The following C12orf76 variants were observed in gnomAD, a reference collection of about 807,000 sequenced individuals.
C12orf76 encodes chromosome 12 open reading frame 76.
Under a neutral mutation model 6.8 loss-of-function variants are expected in C12orf76, and 6 were observed. The ratio of observed to expected loss-of-function variants is 0.88; its 90% CI spans 0.48 to 1.73. The LOEUF (loss-of-function observed/expected upper bound fraction) is 1.73. C12orf76 is among the 40% of genes most tolerant of loss of function. The pLI, the probability that C12orf76 is intolerant of heterozygous loss-of-function variation, is 0.01. For synonymous variants in C12orf76, 56 were observed against 43.7 expected, an observed-to-expected ratio of 1.28 and a Z score of -1.11; for missense variants, 99 against 98.2, an observed-to-expected ratio of 1.01 and a Z score of -0.03.
upstream of C12orf76, among the ~76,000 whole-genome samples, chr12:110,068,329 A>AAGAAGAAGAAGAAGAAGAAGAAGG (rs1157443112): frequency 7.9e-6 from 1 of 127,112 alleles, no homozygotes; most frequent in African/African-American, 2.8e-5. Context: ...GAAGAAGAAG[A>AAGAAGAAGAAGAAGAAGAAGAAGG]AGGCGGCCAA....
chr12:110,041,374 A>AAATT lies in C12orf76; in HGVS notation c.*996_*999dup, dbSNP rs1340231032. 6.6e-6 allele frequency: 1 copy of AAATT among 152,634 alleles called. No individual in the cohort carries two copies. The highest frequency in any genetic ancestry group is 1.5e-5 in the Non-Finnish European group (1 of 68,046). The allele number at this position is 152,634 out of a possible 1,614,324, so 9.5% of individuals were successfully genotyped here. A position where few individuals can be genotyped will look rare whatever the true frequency, so the allele number is the denominator to read the frequency against. On this transcript the variant is annotated 3_prime_UTR_variant, in exon 2 of 2. Coordinates refer to ENST00000615315, the MANE Select transcript of C12orf76 (RefSeq NM_001389625.1). ...AGATAAGCATTTCAATTTAATAACAAAATTAAATCTAGCACCTTGAAATAA... is the reference window on the plus strand; with the variant it reads ...AGATAAGCATTTCAATTTAATAACAAAATTAATTAAATCTAGCACCTTGAAATAA...
At chr12:110,050,541 C>T (rs562770364), upstream of C12orf76, 149 of 165,498 alleles carry the variant, frequency 9.0e-4, 3 homozygotes, top group South Asian at 0.012. Flanking sequence ...CTATAAACCA[C>T]CAAAACCAAA....
chr12:110,071,571 T>G (rs929561748), upstream of C12orf76, among the ~76,000 whole-genome samples: 4 of 151,984 alleles, frequency 2.6e-5, no homozygotes, highest in Non-Finnish European at 4.4e-5. Flanking sequence ...CTCAGAGAAG[T>G]TAATGACTTG....
At chr12:110,045,963 AT>A (rs1892437512) in intron 1 of C12orf76, 1 of 205,348 alleles carries the variant, frequency 4.9e-6, no homozygotes, top group African/African-American at 2.3e-5. Flanking sequence ...CATATAAAAA[AT>A]AATAATAAAA....
chr12:110,065,121 T>C (rs929518345), intron 2 of C12orf76, among the ~76,000 whole-genome samples: 2 of 151,794 alleles, frequency 1.3e-5, no homozygotes, highest in Non-Finnish European at 2.9e-5. Flanking sequence ...TTATTTTTAT[T>C]ATATATGTAT....
intron 1 of C12orf76, chr12:110,044,371 C>G (rs938058701): frequency 4.6e-5 from 7 of 151,664 alleles, no homozygotes; most frequent in Non-Finnish European, 7.4e-5. Flanking sequence ...ATGGTGAAAC[C>G]CCATCTCTAC....
Position 110,054,532 on chromosome 12 carries a change from G to T in C12orf76, n.664+2657C>A, listed in dbSNP as rs1378532567. 2.6e-5 allele frequency among the ~76,000 whole-genome samples: 4 copies of T among 152,180 alleles called. No individual in the cohort carries two copies. The highest frequency in any genetic ancestry group is 9.7e-5 in the African/African-American group (4 of 41,430). ...CATAGAGACAGAGAGTAGATTGGTA[G>T]TTGCAGGGGACAGAGGGAGGGAGAA... On this transcript the variant is annotated intron_variant and non_coding_transcript_variant, in intron 4 of 4. Coordinates refer to the C12orf76 transcript ENST00000309050. The surrounding 1 kb of genome is among the most constrained non-coding windows in gnomAD (Gnocchi z 4.4).
At chr12:110,045,484 G>C (rs906661280) in intron 1 of C12orf76, among the ~76,000 whole-genome samples, 13 of 152,100 alleles carry the variant, frequency 8.5e-5, no homozygotes, top group African/African-American at 2.7e-4. Context: ...TACTCGGGAG[G>C]CTGAGGCAGG....
At chr12:110,058,874 A>C in intron 3 of C12orf76, 1 of 1,249,642 alleles carries the variant, frequency 8.0e-7, no homozygotes, top group Non-Finnish European at 1.1e-6. Flanking sequence ...ACCATGTGCC[A>C]ACCACTCTTC....
chr12:110,042,313 G>T lies in C12orf76; in HGVS notation c.*61C>A, dbSNP rs11550081. ...AAGTTTTGGTTCCAACTTCTCCACT[G>T]GCCTGTGTGCAACACAACTTATCCT... On this transcript the variant is annotated 3_prime_UTR_variant, in exon 2 of 2. Transcript: ENST00000615315. 2.9e-6 allele frequency: 4 copies of T among 1,396,114 alleles called. No homozygotes were observed. The South Asian group carries it at 4.6e-5, about 16-fold the overall frequency. The allele number at this position is 1,396,114 out of a possible 1,614,324, so 86.5% of individuals were successfully genotyped here.
At chr12:110,072,879 C>T (rs574933295) in intron 1 of C12orf76, among the ~76,000 whole-genome samples, 49 of 148,332 alleles carry the variant, frequency 3.3e-4, no homozygotes, top group African/African-American at 1.1e-3. Context: ...ACCCAGGAGG[C>T]GGAGGTTGCA....
In C12orf76 at chr12:110,057,100, C is replaced by A. The variant is rs893034934; in HGVS notation, n.664+89G>T. Reference sequence around the variant, plus strand: ...CCTCAGGCTGCTTGTGCTGGACTCACCAGATGGAGACGAAGGTGTCCACCA... The same window carrying A: ...CCTCAGGCTGCTTGTGCTGGACTCAACAGATGGAGACGAAGGTGTCCACCA... On this transcript the variant is annotated intron_variant and non_coding_transcript_variant, in intron 4 of 4. Coordinates refer to the C12orf76 transcript ENST00000309050. 12 of 857,580 alleles carry A rather than the reference C, an allele frequency of 1.4e-5. No homozygotes were observed. The Admixed American group carries it at 2.0e-4, about 14-fold the overall frequency. 53.1% of individuals were successfully genotyped at this position (857,580 alleles called of 1,614,324 possible).
At chr12:110,066,042 C>G in intron 1 of C12orf76, 1 of 1,562,450 alleles carries the variant, frequency 6.4e-7, no homozygotes, top group Non-Finnish European at 8.7e-7. Context: ...ACCTAGGTGT[C>G]AAGGGTGGGA....
intron 2 of C12orf76, among the ~76,000 whole-genome samples, chr12:110,065,218 T>A (rs141051598): frequency 0.027 from 4,152 of 151,878 alleles, 86 homozygotes; most frequent in Middle Eastern, 0.078. Flanking sequence ...TCACCCAGGC[T>A]GGAGTGCAGT....
chr12:110,047,679 T>C (rs1892486117), intron 1 of C12orf76, among the ~76,000 whole-genome samples: 1 of 152,022 alleles, frequency 6.6e-6, no homozygotes, highest in African/African-American at 2.4e-5. Flanking sequence ...GGAGACACTA[T>C]TGTAAAAGAA....
At chr12:110,046,719 C>A (rs1261429133) in intron 1 of C12orf76, among the ~76,000 whole-genome samples, 1 of 152,330 alleles carries the variant, frequency 6.6e-6, no homozygotes, top group East Asian at 1.9e-4. Flanking sequence ...CAGACTCACA[C>A]TGGTCTGCAG....
upstream of C12orf76, among the ~76,000 whole-genome samples, chr12:110,068,416 T>C (rs780578424): frequency 6.6e-6 from 1 of 152,158 alleles, no homozygotes; most frequent in African/African-American, 2.4e-5. Flanking sequence ...TCTTCATCCA[T>C]GTCCAAGGAC....
At chr12:110,067,176 A>G (rs1024949188) in intron 1 of C12orf76, among the ~76,000 whole-genome samples, 11 of 152,198 alleles carry the variant, frequency 7.2e-5, no homozygotes, top group African/African-American at 2.7e-4. Flanking sequence ...AATAAAATCT[A>G]AAGAATTCTC....
chr12:110,070,599 T>C (rs1047150250), upstream of C12orf76, among the ~76,000 whole-genome samples: 24 of 151,984 alleles, frequency 1.6e-4, no homozygotes, highest in African/African-American at 5.6e-4. Flanking sequence ...AGAAAGAAAT[T>C]GTATGCTGGG....
Sources: allele counts gnomAD v4.1 joint callset (sites outside exome capture counted in the v4.1 genomes callset), GRCh38; gene constraint gnomAD v4.1.1; non-coding constraint Gnocchi (gnomAD v3.1); transcripts MANE v1.5; gene names NCBI Gene and HGNC (gene_info 2026-07-23, HGNC 2026-07-21).